The following HELLS variants were observed in gnomAD, a reference collection of about 807,000 sequenced individuals.
HELLS encodes the protein lymphoid-specific helicase.
In HELLS, 32 loss-of-function variants were observed where a neutral mutation model predicts 120.0. The ratio of observed to expected loss-of-function variants is 0.27; its 90% CI spans 0.20 to 0.36. HELLS has a LOEUF of 0.36. Among genes scored for constraint, HELLS ranks in the 10% least tolerant of loss-of-function variants. The pLI is 1.00. For missense variants in HELLS, 650 were observed against 993.4 expected, an observed-to-expected ratio of 0.65 and a Z score of 4.65; for synonymous variants, 341 against 323.4, an observed-to-expected ratio of 1.05 and a Z score of -0.58.
At chr10:94,606,685 C>G (rs1846133397), downstream of HELLS, among the ~76,000 whole-genome samples, 1 of 152,118 alleles carries the variant, frequency 6.6e-6, no homozygotes, top group Admixed American at 6.5e-5. Context: ...TTTCTTTCCC[C>G]CATCTGCATA....
At position 94,554,107 on chromosome 10, in the gene HELLS, A is replaced by G; in HGVS notation, c.154-19A>G. The G allele has an allele frequency of 6.5e-7, 1 of 1,549,502 alleles. No homozygotes were observed. Among genetic ancestry groups the G allele is most frequent in the Non-Finnish European group, 8.6e-7 (1 of 1,158,758 alleles). ...TGTCAGAAAGTGTTCATAATTATGGAAATTTTCTCTTTGGATAGGCTCGCA... is the reference window on the plus strand; with the variant it reads ...TGTCAGAAAGTGTTCATAATTATGGGAATTTTCTCTTTGGATAGGCTCGCA... On this transcript the variant is annotated intron_variant, in intron 2 of 21. Coordinates refer to ENST00000348459, the MANE Select transcript of HELLS (RefSeq NM_018063.5).
intron 3 of HELLS, among the ~76,000 whole-genome samples, chr10:94,556,180 A>C: frequency 6.6e-6 from 1 of 152,204 alleles, no homozygotes; most frequent in East Asian, 1.9e-4. Context: ...GAATTGAATT[A>C]CAATAGAGGA....
intron 9 of HELLS, among the ~76,000 whole-genome samples, chr10:94,608,326 A>G (rs1846151452): frequency 6.6e-6 from 1 of 152,190 alleles, no homozygotes; most frequent in African/African-American, 2.4e-5. Context: ...CTAATTATAG[A>G]TTGGCCCTGC....
At chr10:94,604,955 A>G (rs1033755516), downstream of HELLS, among the ~76,000 whole-genome samples, 4 of 151,208 alleles carry the variant, frequency 2.6e-5, no homozygotes, top group African/African-American at 9.8e-5. Context: ...TCCCTGGAAC[A>G]TTCTTCTAGT....
At chr10:94,591,104 G>A (rs995094252) in intron 15 of HELLS, among the ~76,000 whole-genome samples, 3 of 152,126 alleles carry the variant, frequency 2.0e-5, no homozygotes, top group African/African-American at 4.8e-5. Flanking sequence ...AGAGTGCTAG[G>A]ATTACAGGCA....
At chr10:94,571,475 T>A (rs1345418698) in intron 7 of HELLS, 46 bp downstream of exon 7, 2 of 1,401,844 alleles carry the variant, frequency 1.4e-6, no homozygotes, top group Admixed American at 3.9e-5. Context: ...TCATATTTAC[T>A]CCTCAGTTAC....
chr10:94,548,261 A>G (rs564987933), intron 2 of HELLS, among the ~76,000 whole-genome samples: 15 of 152,322 alleles, frequency 9.8e-5, no homozygotes, highest in Non-Finnish European at 2.9e-5. Flanking sequence ...TATACTAAAT[A>G]TACTTATTAG....
intron 18 of HELLS, 97 bp from the exon 19 acceptor site, chr10:94,594,598 G>A: frequency 1.1e-6 from 1 of 872,946 alleles, no homozygotes; most frequent in Non-Finnish European, 1.7e-6. Context: ...CTATTTAAAA[G>A]TTCCTGGCTA....
intron 10 of HELLS, among the ~76,000 whole-genome samples, chr10:94,578,913 C>T (rs746783075): frequency 6.6e-6 from 1 of 152,166 alleles, no homozygotes; most frequent in Non-Finnish European, 1.5e-5. Flanking sequence ...GGAGGCAGAG[C>T]TCAGGCCATA....
chr10:94,546,576 T>G, intron 2 of HELLS, 78 bp downstream of exon 2: 2 of 1,529,612 alleles, frequency 1.3e-6, no homozygotes, highest in Non-Finnish European at 1.8e-6. Flanking sequence ...GTTTGTGTTC[T>G]TTGCTTTCCT....
intron 9 of HELLS, among the ~76,000 whole-genome samples, chr10:94,608,503 G>A (rs1846153482): frequency 1.3e-5 from 2 of 152,158 alleles, no homozygotes; most frequent in Admixed American, 1.3e-4. Context: ...TGGTTGTCAT[G>A]CTAAATACTG....
chr10:94,584,688 T>A lies in HELLS; in HGVS notation c.1326+1629T>A, dbSNP rs185766485. 2.6e-5 allele frequency among the ~76,000 whole-genome samples: 4 copies of A among 152,302 alleles called. No homozygotes were observed. In the East Asian group the frequency reaches 7.7e-4, roughly 29 times the overall value. ...GATAGATATTCCTTAGAAATGATCA[T>A]CTGCCTTTTGATTGAACATTTGTAG... is the stretch of plus-strand genomic sequence containing the variant. On this transcript the variant is annotated intron_variant, in intron 12 of 21. Transcript: ENST00000348459.
At chr10:94,550,709 G>A (rs1589697271) in intron 2 of HELLS, among the ~76,000 whole-genome samples, 1 of 152,216 alleles carries the variant, frequency 6.6e-6, no homozygotes, top group Middle Eastern at 3.4e-3. Context: ...GGGTAACAGG[G>A]TGAAACCCCA....
intron 7 of HELLS, among the ~76,000 whole-genome samples, chr10:94,572,115 ATTC>A (rs1256005377): frequency 1.3e-5 from 2 of 152,158 alleles, no homozygotes; most frequent in African/African-American, 2.4e-5. Flanking sequence ...CTTGGTTTTT[ATTC>A]TTTGTTAAGT....
chr10:94,590,361 C>A (rs1484130372), intron 13 of HELLS, 52 bp from the exon 14 acceptor site: 14 of 1,476,504 alleles, frequency 9.5e-6, no homozygotes, highest in African/African-American at 2.8e-5. Context: ...ACATTTAGAA[C>A]CTAAGGACAT....
At chr10:94,575,787 G>A (rs896573123) in intron 9 of HELLS, among the ~76,000 whole-genome samples, 1 of 149,680 alleles carries the variant, frequency 6.7e-6, no homozygotes, top group African/African-American at 2.4e-5. Flanking sequence ...GTGTGTGTGT[G>A]TGTGTGTGTG....
At chr10:94,581,601 A>G (rs1343862276) in intron 11 of HELLS, 79 bp downstream of exon 11, 3 of 1,007,558 alleles carry the variant, frequency 3.0e-6, no homozygotes, top group Non-Finnish European at 4.3e-6. Context: ...TCAGTGACTG[A>G]ATTAAAATGC....
At chr10:94,597,010 G>T in intron 20 of HELLS, 25 bp from the exon 21 acceptor site, 2 of 1,479,946 alleles carry the variant, frequency 1.4e-6, no homozygotes, top group South Asian at 1.1e-5. Context: ...TATTCACATA[G>T]ACTTGAATAT....
In HELLS at chr10:94,546,035, G is replaced by A. The variant is rs933012524; in HGVS notation, c.31+83G>A. On this transcript the variant is annotated intron_variant, in intron 1 of 21. Transcript: ENST00000348459. Reference sequence around the variant, plus strand: ...GCATGGAGGCTGCGGCGGAGTTTCGGGGAGGGAGCCGACCCCGGGCAGGGA... The same window carrying A: ...GCATGGAGGCTGCGGCGGAGTTTCGAGGAGGGAGCCGACCCCGGGCAGGGA... 140 of 1,485,646 alleles carry A rather than the reference G, an allele frequency of 9.4e-5. 1 individual carries two copies. In the Middle Eastern group the frequency reaches 1.1e-3, roughly 12 times the overall value. 92.0% of individuals were successfully genotyped at this position (1,485,646 alleles called of 1,614,324 possible). A position where few individuals can be genotyped will look rare whatever the true frequency, so the allele number is the denominator to read the frequency against.
Sources: gnomAD v4.1 joint callset for allele counts (sites outside exome capture counted in the v4.1 genomes callset) on GRCh38, gnomAD v4.1.1 for gene constraint, MANE v1.5 for transcripts, NCBI Gene and HGNC (gene_info 2026-07-23, HGNC 2026-07-21) for gene names.